DOK6: variants seen among roughly 807,000 people sequenced by gnomAD.
DOK6 encodes docking protein 6.
DOK6 carries 22 observed loss-of-function variants against 44.0 expected under a neutral mutation model. The ratio of observed to expected loss-of-function variants is 0.50; its 90% CI spans 0.36 to 0.71. The LOEUF is 0.71. Ranked by LOEUF, DOK6 falls within the 30% of genes least tolerant of loss-of-function variation. The pLI, the probability that DOK6 is intolerant of heterozygous loss-of-function variation, is 0.00. For synonymous variants in DOK6, 166 were observed against 145.5 expected (o/e 1.14, Z -1.01); for missense variants, 340 against 416.4 (o/e 0.82, Z 1.60).
At chr18:69,605,659 G>A (rs1422804621) in intron 3 of DOK6, among the ~76,000 whole-genome samples, 1 of 151,936 alleles carries the variant, frequency 6.6e-6, no homozygotes, top group African/African-American at 2.4e-5. Context: ...TTATTATATT[G>A]TCACAGAAAA....
chr18:69,546,003 C>T (rs142696963), intron 1 of DOK6, among the ~76,000 whole-genome samples: 2 of 151,064 alleles, frequency 1.3e-5, no homozygotes, highest in East Asian at 1.9e-4. Flanking sequence ...ATGTAAACTA[C>T]GTGGTGGCTT....
At chr18:69,627,437 T>G (rs1984581849) in intron 3 of DOK6, among the ~76,000 whole-genome samples, 1 of 152,048 alleles carries the variant, frequency 6.6e-6, no homozygotes, top group Non-Finnish European at 1.5e-5. Flanking sequence ...CTAAACTTTC[T>G]TATTTTTATT....
rs185595186 is a variant in DOK6, at chr18:69,728,868, T to C, written c.600-10097T>C. On this transcript the variant is annotated intron_variant, in intron 5 of 7. Transcript: ENST00000382713. ...CAAACACAAAAACAGAAGAAACTTC[T>C]TCATTTAAAATACAATTTTTATTTA... Among the ~76,000 whole-genome samples the C allele has an allele frequency of 2.6e-5, 4 of 152,290 alleles. No individual in the cohort carries two copies. In the East Asian group the frequency reaches 5.8e-4, roughly 22 times the overall value.
intron 5 of DOK6, among the ~76,000 whole-genome samples, chr18:69,712,243 T>C (rs1260347149): frequency 9.1e-6 from 1 of 109,348 alleles, no homozygotes; most frequent in Admixed American, 1.4e-4. Flanking sequence ...ATCCCGCCAC[T>C]GCACTCCAGC....
chr18:69,607,136 C>T (rs1984020293), intron 3 of DOK6, among the ~76,000 whole-genome samples: 2 of 152,242 alleles, frequency 1.3e-5, no homozygotes, highest in Middle Eastern at 3.4e-3. Flanking sequence ...GAACCCAGAA[C>T]CAGAAACTAG....
intron 4 of DOK6, among the ~76,000 whole-genome samples, chr18:69,681,213 A>G (rs1599260093): frequency 6.6e-6 from 1 of 152,298 alleles, no homozygotes; most frequent in South Asian, 2.1e-4. Context: ...AACTACATTA[A>G]CATGGTTTGT....
chr18:69,821,273 C>T (rs1045052162), intron 7 of DOK6, among the ~76,000 whole-genome samples: 6 of 152,110 alleles, frequency 3.9e-5, no homozygotes, highest in Admixed American at 1.3e-4. Flanking sequence ...TATGTGGGCC[C>T]ATATTTCTCT....
At chr18:69,608,612 T>C (rs1023949520) in intron 3 of DOK6, among the ~76,000 whole-genome samples, 1 of 152,194 alleles carries the variant, frequency 6.6e-6, no homozygotes, top group Non-Finnish European at 1.5e-5. Context: ...TTTAACAATA[T>C]TAATTTTTCA....
chr18:69,438,748 C>T (rs1264824494), intron 1 of DOK6, among the ~76,000 whole-genome samples: 5 of 152,088 alleles, frequency 3.3e-5, no homozygotes, highest in Admixed American at 3.3e-4. Flanking sequence ...TCATGGGTGG[C>T]AGAATGGATG....
intron 1 of DOK6, among the ~76,000 whole-genome samples, chr18:69,481,128 T>C (rs1980406746): frequency 6.6e-6 from 1 of 152,136 alleles, no homozygotes; most frequent in South Asian, 2.1e-4. Context: ...AGGACAGAAA[T>C]GGCCAAGCCT....
chr18:69,704,720 C>G (rs1418519497), intron 5 of DOK6, among the ~76,000 whole-genome samples: 1 of 152,160 alleles, frequency 6.6e-6, no homozygotes, highest in African/African-American at 2.4e-5. Flanking sequence ...ACTTCGTGAT[C>G]CACTTGCCTC....
chr18:69,704,639 C>A (rs571186026), intron 5 of DOK6, among the ~76,000 whole-genome samples: 1 of 151,964 alleles, frequency 6.6e-6, no homozygotes. Flanking sequence ...CCACCATGCC[C>A]AGCTAATTTT....
chr18:69,832,213 C>T (rs1218814481), intron 7 of DOK6, among the ~76,000 whole-genome samples: 5 of 152,056 alleles, frequency 3.3e-5, no homozygotes, highest in Non-Finnish European at 5.9e-5. Flanking sequence ...CCCTCTATAC[C>T]CAATTCTTTG....
chr18:69,701,427 C>G (rs1159519095), intron 5 of DOK6, among the ~76,000 whole-genome samples: 1 of 152,180 alleles, frequency 6.6e-6, no homozygotes, highest in Non-Finnish European at 1.5e-5. Flanking sequence ...AAATACCAGA[C>G]CTTCAGAGGA....
At chr18:69,609,472 GA>G (rs1409749525) in intron 3 of DOK6, among the ~76,000 whole-genome samples, 1 of 78,176 alleles carries the variant, frequency 1.3e-5, no homozygotes, top group East Asian at 4.6e-4. Flanking sequence ...AACCTGCCAG[GA>G]TGGCTATTAC....
intron 5 of DOK6, among the ~76,000 whole-genome samples, chr18:69,716,523 T>C (rs923422316): frequency 3.3e-5 from 5 of 152,168 alleles, no homozygotes; most frequent in African/African-American, 1.2e-4. Flanking sequence ...TGTCTTCATT[T>C]GTACAGGTTC....
At chr18:69,675,745 C>T (rs1046839284) in intron 3 of DOK6, among the ~76,000 whole-genome samples, 3 of 152,016 alleles carry the variant, frequency 2.0e-5, no homozygotes. Context: ...TGATACATAG[C>T]ATGTAAATTG....
intron 1 of DOK6, among the ~76,000 whole-genome samples, chr18:69,523,903 G>A (rs538900406): frequency 2.0e-5 from 3 of 151,950 alleles, no homozygotes; most frequent in Non-Finnish European, 4.4e-5. Flanking sequence ...CATTCTCAGA[G>A]CATGATCTAA....
At chr18:69,549,810 C>A (rs970640128) in intron 1 of DOK6, among the ~76,000 whole-genome samples, 9 of 150,112 alleles carry the variant, frequency 6.0e-5, no homozygotes, top group African/African-American at 1.7e-4. Flanking sequence ...AAACAAAGTA[C>A]ATTTTTTATT....
Sources: gnomAD v4.1 joint callset for allele counts (sites outside exome capture counted in the v4.1 genomes callset) on GRCh38, gnomAD v4.1.1 for gene constraint, MANE v1.5 for transcripts, NCBI Gene and HGNC (gene_info 2026-07-23, HGNC 2026-07-21) for gene names.